Variants in PACS2 observed in about 807,000 individuals in gnomAD.
PACS2 encodes the protein phosphofurin acidic cluster sorting protein 2.
PACS2 carries 36 observed loss-of-function variants against 113.0 expected under a neutral mutation model. That is an observed-to-expected ratio of 0.32 (90% CI 0.24 to 0.42). The LOEUF (loss-of-function observed/expected upper bound fraction) is 0.42, where lower values mean the gene tolerates loss of function less well. Among genes scored for constraint, PACS2 ranks in the 10% least tolerant of loss-of-function variants. The probability of loss-of-function intolerance (pLI) is 1.00; values close to 1 mark genes in which losing one functional copy is unlikely to be tolerated. For missense variants in PACS2, 1,015 were observed against 1,239.5 expected (o/e 0.82, Z 2.72); for synonymous variants, 589 against 536.1 (o/e 1.10, Z -1.36).
At chr14:105,375,676 A>G (rs587669251) in intron 8 of PACS2, among the ~76,000 whole-genome samples, 1 of 152,340 alleles carries the variant, frequency 6.6e-6, no homozygotes, top group African/African-American at 2.4e-5. Context: ...GGTGAGGTGT[A>G]ACAGCAGGAA....
intron 1 of PACS2, among the ~76,000 whole-genome samples, chr14:105,321,715 G>A (rs1036411943): frequency 1.4e-5 from 2 of 146,314 alleles, no homozygotes; most frequent in African/African-American, 5.6e-5. Flanking sequence ...GTTTAGAATT[G>A]TAATTCTAGG....
chr14:105,302,894 G>A (rs587667031), intron 1 of PACS2, among the ~76,000 whole-genome samples: 1 of 151,806 alleles, frequency 6.6e-6, no homozygotes, highest in Admixed American at 6.6e-5. Flanking sequence ...TCCTCCCAAA[G>A]TGCTGGGATT....
chr14:105,349,999 TAGC>T (rs1349973599), intron 2 of PACS2, among the ~76,000 whole-genome samples: 7 of 144,472 alleles, frequency 4.8e-5, no homozygotes, highest in African/African-American at 1.0e-4. Flanking sequence ...GCGTGGCTAA[TAGC>T]AGGACCCCGA....
At position 105,355,325 on chromosome 14, in the gene PACS2, G is replaced by A. The variant is rs1423228266; in HGVS notation, c.423+148G>A. ...AGAGGAGCCTGGGCGGCCGGGCTCCGCCATAAGGGCCAGGTGCGGCCCCAG... is the reference window on the plus strand; with the variant it reads ...AGAGGAGCCTGGGCGGCCGGGCTCCACCATAAGGGCCAGGTGCGGCCCCAG... On this transcript the variant is annotated intron_variant, in intron 4 of 24. Coordinates refer to ENST00000447393, the MANE Select transcript of PACS2 (RefSeq NM_001100913.3). This position sits in a 1 kb window ranked among gnomAD's most constrained non-coding sequence, Gnocchi z 4.1. 1.8e-5 allele frequency: 17 copies of A among 955,258 alleles called. No homozygotes were observed. Among genetic ancestry groups the A allele is most frequent in the Admixed American group, 1.5e-4 (5 of 33,694 alleles). 59.2% of individuals were successfully genotyped at this position (955,258 alleles called of 1,614,324 possible). A position where few individuals can be genotyped will look rare whatever the true frequency, so the allele number is the denominator to read the frequency against.
intron 4 of PACS2, among the ~76,000 whole-genome samples, chr14:105,359,834 G>A (rs1183775396): frequency 1.3e-5 from 2 of 152,058 alleles, no homozygotes; most frequent in Non-Finnish European, 2.9e-5. Flanking sequence ...CTCGCGATCC[G>A]CCCACCTTGG....
chr14:105,375,756 C>T (rs1296982622), intron 8 of PACS2, among the ~76,000 whole-genome samples: 5 of 152,160 alleles, frequency 3.3e-5, no homozygotes, highest in Non-Finnish European at 7.3e-5. Flanking sequence ...CACCCAGCAC[C>T]CCTGTTCTTC....
chr14:105,322,000 G>A (rs1471052942), intron 1 of PACS2, among the ~76,000 whole-genome samples: 2 of 151,144 alleles, frequency 1.3e-5, no homozygotes, highest in Non-Finnish European at 2.9e-5. Context: ...GTACAGTCGT[G>A]CAATCTTGGC....
chr14:105,352,122 C>T (rs1566930162), intron 2 of PACS2, among the ~76,000 whole-genome samples: 2 of 152,276 alleles, frequency 1.3e-5, no homozygotes, highest in South Asian at 2.1e-4. Flanking sequence ...CAGCAGGAGC[C>T]GCTCCTGGTT....
rs782615881 is a variant in PACS2, at chr14:105,348,616, C to G, written c.207+36C>G. 1.4e-6 allele frequency: 2 copies of G among 1,431,922 alleles called. No homozygotes were observed. Among genetic ancestry groups the G allele is most frequent in the Non-Finnish European group, 9.8e-7 (1 of 1,017,764 alleles). 88.7% of individuals were successfully genotyped at this position (1,431,922 alleles called of 1,614,324 possible). ...TTGTGACCCCGGCTGTGGCTGGGTGCTGTGTAGGCTTTCCATGTGCCTGGG... is the reference window on the plus strand; with the variant it reads ...TTGTGACCCCGGCTGTGGCTGGGTGGTGTGTAGGCTTTCCATGTGCCTGGG... On this transcript the variant is annotated intron_variant, in intron 2 of 24. Coordinates refer to ENST00000447393, the MANE Select transcript of PACS2 (RefSeq NM_001100913.3). The surrounding 1 kb of genome is among the most constrained non-coding windows in gnomAD (Gnocchi z 6.4).
intron 1 of PACS2, among the ~76,000 whole-genome samples, chr14:105,328,195 C>T (rs964197776): frequency 6.6e-6 from 1 of 152,230 alleles, no homozygotes; most frequent in African/African-American, 2.4e-5. Flanking sequence ...GGGTGCAGTT[C>T]TTAAAGGACA....
intron 1 of PACS2, among the ~76,000 whole-genome samples, chr14:105,341,925 G>A (rs2059741765): frequency 6.6e-6 from 1 of 152,204 alleles, no homozygotes; most frequent in Admixed American, 6.5e-5. Context: ...GCCTAGGGAC[G>A]GGGAGCCGTA....
chr14:105,337,103 A>G (rs1555400695), intron 1 of PACS2, among the ~76,000 whole-genome samples: 1 of 152,234 alleles, frequency 6.6e-6, no homozygotes, highest in African/African-American at 2.4e-5. Flanking sequence ...AGCCCTGAAA[A>G]GGAAGGAAAT....
chr14:105,364,256 G>A (rs1335268089), intron 4 of PACS2, among the ~76,000 whole-genome samples: 4 of 152,102 alleles, frequency 2.6e-5, no homozygotes, highest in Admixed American at 1.3e-4. Flanking sequence ...AGAGCAGAGT[G>A]AGGGCTGCAG....
chr14:105,360,910 G>C (rs1555406334), intron 4 of PACS2, among the ~76,000 whole-genome samples: 1 of 152,090 alleles, frequency 6.6e-6, no homozygotes, highest in African/African-American at 2.4e-5. Context: ...TCCTCACCAG[G>C]AGCAGATTCC....
At chr14:105,326,797 C>T (rs1221390966) in intron 1 of PACS2, among the ~76,000 whole-genome samples, 1 of 152,160 alleles carries the variant, frequency 6.6e-6, no homozygotes, top group Non-Finnish European at 1.5e-5. Context: ...CCACGTTCAC[C>T]CTGCGGCCAG....
chr14:105,353,140 C>T (rs1595670506), intron 3 of PACS2, among the ~76,000 whole-genome samples: 2 of 131,356 alleles, frequency 1.5e-5, no homozygotes, highest in Admixed American at 7.3e-5. Flanking sequence ...TCATCACTGT[C>T]CCCTGGGGAG....
chr14:105,364,462 C>CGGCGTCCCGGGTGCGCGGTGGGT (rs1566943511), intron 4 of PACS2, among the ~76,000 whole-genome samples: 2 of 101,386 alleles, frequency 2.0e-5, no homozygotes, highest in African/African-American at 9.8e-5. Context: ...GCGCGGTGGG[C>CGGCGTCCCGGGTGCGCGGTGGGT]GGCGTCCCGG....
chr14:105,313,621 A>G (rs1032474356), upstream of PACS2, among the ~76,000 whole-genome samples: 5 of 152,238 alleles, frequency 3.3e-5, no homozygotes, highest in African/African-American at 1.2e-4. Context: ...CTGACGGGGC[A>G]CTGGGGTGGC....
In PACS2 at chr14:105,358,549, G is replaced by A. The variant is rs951134139; in HGVS notation, c.423+3372G>A. ...ACCCTGGGGCTGCAGCCTGGGAGAC[G>A]CAGGCATGCCAGCTGGTGGCCATTG... On this transcript the variant is annotated intron_variant, in intron 4 of 24. Coordinates refer to ENST00000447393, the MANE Select transcript of PACS2 (RefSeq NM_001100913.3). The surrounding 1 kb of genome is among the most constrained non-coding windows in gnomAD (Gnocchi z 4.9). Among the ~76,000 whole-genome samples the A allele has an allele frequency of 9.2e-5, 14 of 152,220 alleles. No individual in the cohort carries two copies. Among genetic ancestry groups the A allele is most frequent in the Non-Finnish European group, 4.4e-5 (3 of 68,030 alleles).
Sources: gnomAD v4.1 joint callset for allele counts (sites outside exome capture counted in the v4.1 genomes callset) on GRCh38, gnomAD v4.1.1 for gene constraint, Gnocchi (gnomAD v3.1) non-coding constraint, MANE v1.5 for transcripts, NCBI Gene and HGNC (gene_info 2026-07-23, HGNC 2026-07-21) for gene names.